The following GLIS3 variants were observed in gnomAD, a reference collection of about 807,000 sequenced individuals.
GLIS3 encodes the protein zinc finger protein GLIS3.
A neutral mutation model predicts 78.6 loss-of-function variants in GLIS3; 53 were observed. That is an observed-to-expected ratio of 0.67 (90% CI 0.54 to 0.85). The LOEUF (loss-of-function observed/expected upper bound fraction) is 0.85. Among genes scored for constraint, GLIS3 ranks in the 40% least tolerant of loss-of-function variants. The pLI, the probability that GLIS3 is intolerant of heterozygous loss-of-function variation, is 0.00. For missense variants in GLIS3, 1,703 were observed against 1,231.1 expected (o/e 1.38, Z -5.74); for synonymous variants, 684 against 509.9 (o/e 1.34, Z -4.60).
chr9:4,432,078 T>A, the GLIS3 span, among the ~76,000 whole-genome samples: 1 of 152,154 alleles, frequency 6.6e-6, no homozygotes, highest in Non-Finnish European at 1.5e-5. Flanking sequence ...CTTGTCCTCC[T>A]GTGCATTTGG....
At chr9:4,462,992 T>C in the GLIS3 span, among the ~76,000 whole-genome samples, 1 of 152,154 alleles carries the variant, frequency 6.6e-6, no homozygotes. Context: ...CTGGGGGAAA[T>C]CCATGTCTGT....
chr9:4,228,273 G>GT (rs1821951407), intron 2 of GLIS3, among the ~76,000 whole-genome samples: 1 of 150,670 alleles, frequency 6.6e-6, no homozygotes, highest in African/African-American at 2.4e-5. Flanking sequence ...TTAAAATGCT[G>GT]TTTTAAATGC....
rs905771529 is a variant in GLIS3, at chr9:4,339,482, C to T, written n.264+7599G>A. 3.6e-4 allele frequency among the ~76,000 whole-genome samples: 55 copies of T among 151,882 alleles called. 1 individual carries two copies. The highest frequency in any genetic ancestry group is 1.3e-3 in the African/African-American group (52 of 41,410). On this transcript the variant is annotated intron_variant and non_coding_transcript_variant, in intron 2 of 4. Transcript: ENST00000471664. Reference sequence around the variant, plus strand: ...TCAAACTGCCAATCTGTTACATAAACAGCCTTGTTTTTTGAAGGGCTGGCG... The same window carrying T: ...TCAAACTGCCAATCTGTTACATAAATAGCCTTGTTTTTTGAAGGGCTGGCG...
intron 2 of GLIS3, among the ~76,000 whole-genome samples, chr9:4,165,695 T>G (rs147806850): frequency 6.6e-6 from 1 of 152,074 alleles, no homozygotes; most frequent in Non-Finnish European, 1.5e-5. Flanking sequence ...ACAAGTTGAG[T>G]ATGATGTGCC....
At chr9:3,878,720 A>G (rs143758769) in intron 8 of GLIS3, 1 of 152,736 alleles carries the variant, frequency 6.5e-6, no homozygotes, top group African/African-American at 2.4e-5. Flanking sequence ...GAAGCATCCA[A>G]CCTCCTTCCA....
chr9:4,023,776 C>CAG (rs1487882616), intron 4 of GLIS3, among the ~76,000 whole-genome samples: 11 of 152,322 alleles, frequency 7.2e-5, no homozygotes, highest in African/African-American at 2.4e-4. Flanking sequence ...TGCAATGAGA[C>CAG]AGAAGCCTTT....
chr9:4,188,562 G>A (rs148656460), intron 2 of GLIS3, among the ~76,000 whole-genome samples: 3,535 of 152,088 alleles, frequency 0.023, 134 homozygotes, highest in African/African-American at 0.081. Flanking sequence ...AATAGTTTCA[G>A]AAGTAATGGT....
At chr9:4,392,404 A>G in the GLIS3 span, among the ~76,000 whole-genome samples, 9 of 152,208 alleles carry the variant, frequency 5.9e-5, no homozygotes, top group African/African-American at 2.2e-4. Context: ...AAATAAAATT[A>G]CATTTAAAAA....
chr9:3,969,093 C>T lies in GLIS3; in HGVS notation c.1711-31904G>A, dbSNP rs146634469. ...AACTAAAGCCAAAGCCTTGACTCAC[C>T]TCTAGGTTCATTTTTCCCCTTGTCT... On this transcript the variant is annotated intron_variant, in intron 4 of 10. Coordinates refer to ENST00000381971, the MANE Select transcript of GLIS3 (RefSeq NM_001042413.2). Among the ~76,000 whole-genome samples the T allele has an allele frequency of 1.2e-3, 184 of 152,302 alleles. 1 individual carries two copies. The highest frequency in any genetic ancestry group is 4.3e-3 in the African/African-American group (177 of 41,574).
chr9:4,381,107 G>A, the GLIS3 span, among the ~76,000 whole-genome samples: 12 of 152,174 alleles, frequency 7.9e-5, no homozygotes, highest in Non-Finnish European at 1.8e-4. Context: ...TCAAAAAGGA[G>A]AGGAAGAACC....
chr9:4,186,717 T>A lies in GLIS3; in HGVS notation c.389-60776A>T, dbSNP rs201012169. ...TAACTGGTGTGAGATGGTATCTCAT[T>A]GTGGTTTTGATTTGCATTTCTCTGA... On this transcript the variant is annotated intron_variant, in intron 2 of 10. Transcript: ENST00000381971. Among the ~76,000 whole-genome samples the A allele has an allele frequency of 6.1e-3, 925 of 152,226 alleles. 17 individuals are homozygous for A. Among genetic ancestry groups the A allele is most frequent in the Admixed American group, 0.049 (756 of 15,298 alleles).
chr9:3,840,835 T>C (rs1295630143), intron 9 of GLIS3, among the ~76,000 whole-genome samples: 1 of 152,206 alleles, frequency 6.6e-6, no homozygotes. Context: ...CTGAACATGC[T>C]GGGTACTTTC....
chr9:4,325,528 C>A (rs759085305), intron 2 of GLIS3, among the ~76,000 whole-genome samples: 1 of 152,160 alleles, frequency 6.6e-6, no homozygotes, highest in African/African-American at 2.4e-5. Flanking sequence ...CAGTTGCTCT[C>A]GATTCTCCTA....
At chr9:4,337,307 C>T (rs1281607177) in intron 2 of GLIS3, among the ~76,000 whole-genome samples, 2 of 152,144 alleles carry the variant, frequency 1.3e-5, no homozygotes, top group Non-Finnish European at 2.9e-5. Flanking sequence ...CTGGAAATAA[C>T]ATAAATGTCT....
At chr9:4,284,369 G>A (rs10974436) in intron 2 of GLIS3, among the ~76,000 whole-genome samples, 27,997 of 151,982 alleles carry the variant, frequency 0.18, 3,765 homozygotes, top group African/African-American at 0.38. Context: ...AGCAAGCTAC[G>A]GTTCACTAGT....
intron 4 of GLIS3, among the ~76,000 whole-genome samples, chr9:3,986,685 T>A (rs910107734): frequency 2.0e-5 from 3 of 152,260 alleles, no homozygotes; most frequent in Admixed American, 2.0e-4. Context: ...GAAGCCCTTT[T>A]GCCCCCTCGG....
chr9:4,207,627 C>A (rs757267170), intron 2 of GLIS3, among the ~76,000 whole-genome samples: 1 of 152,176 alleles, frequency 6.6e-6, no homozygotes, highest in African/African-American at 2.4e-5. Flanking sequence ...ATCTCCACAG[C>A]CCATACTATG....
At chr9:4,020,158 G>A (rs917541290) in intron 4 of GLIS3, among the ~76,000 whole-genome samples, 1 of 152,170 alleles carries the variant, frequency 6.6e-6, no homozygotes, top group Non-Finnish European at 1.5e-5. Flanking sequence ...GGAGAAGAGA[G>A]TTCAAAGCAA....
intron 2 of GLIS3, among the ~76,000 whole-genome samples, chr9:4,315,064 T>C (rs1159655903): frequency 6.6e-6 from 1 of 152,222 alleles, no homozygotes; most frequent in Non-Finnish European, 1.5e-5. Context: ...TCTCTCCTGC[T>C]CTTCTGTGTA....
Sources: allele counts gnomAD v4.1 joint callset (sites outside exome capture counted in the v4.1 genomes callset), GRCh38; gene constraint gnomAD v4.1.1; transcripts MANE v1.5; gene names NCBI Gene and HGNC (gene_info 2026-07-23, HGNC 2026-07-21).